DHRS4: variants seen among roughly 807,000 people sequenced by gnomAD.
DHRS4 encodes dehydrogenase/reductase 4.
DHRS4 carries 20 observed loss-of-function variants against 28.4 expected under a neutral mutation model. That is an observed-to-expected ratio of 0.71 (90% confidence interval 0.50 to 1.02). The LOEUF (loss-of-function observed/expected upper bound fraction) is 1.02, where lower values mean the gene tolerates loss of function less well. Among genes scored for constraint, DHRS4 ranks in the 50% least tolerant of loss-of-function variants. DHRS4 has a pLI of 0.00. For missense variants in DHRS4, 378 were observed against 367.2 expected, an observed-to-expected ratio of 1.03 and a Z score of -0.24; for synonymous variants, 144 against 146.4, an observed-to-expected ratio of 0.98 and a Z score of 0.12.
At chr14:23,960,788 G>A (rs2033386900) in intron 3 of DHRS4, among the ~76,000 whole-genome samples, 1 of 152,080 alleles carries the variant, frequency 6.6e-6, no homozygotes, top group African/African-American at 2.4e-5. Context: ...TTGCTATAAA[G>A]GAATATCTGA....
Position 23,955,194 on chromosome 14 carries a change from G to A in DHRS4, c.288G>A (p.Arg96=). 2 of 1,613,354 alleles carry A rather than the reference G, an allele frequency of 1.2e-6. No individual in the cohort carries two copies. Among genetic ancestry groups the A allele is most frequent in the South Asian group, 1.1e-5 (1 of 90,980 alleles). The change falls in exon 2 of 8, where the codon CGG becomes CGA. Residue 96 remains arginine, a synonymous_variant. Transcript: ENST00000313250. Reference sequence around the variant, plus strand: ...GCCATGTGGGGAAGGCGGAGGACCGGGAGCGGCTGGTGGCCACGGTGAGCT... The same window carrying A: ...GCCATGTGGGGAAGGCGGAGGACCGAGAGCGGCTGGTGGCCACGGTGAGCT... ...TVCHVGKAED[R]ERLVATAVKL...
chr14:23,969,192 C>G lies in DHRS4; in HGVS notation c.*321C>G, dbSNP rs1010450415. On this transcript the variant is annotated 3_prime_UTR_variant, in exon 8 of 8. Transcript: ENST00000313250. ...CTGAGGGGTGATGGGAGAGAAGGAACCTGGAGTGGAAGGAGCAGAGTTGCA... is the reference window on the plus strand; with the variant it reads ...CTGAGGGGTGATGGGAGAGAAGGAAGCTGGAGTGGAAGGAGCAGAGTTGCA... 6 of 338,226 alleles carry G rather than the reference C, an allele frequency of 1.8e-5. No individual in the cohort carries two copies. In the Admixed American group the frequency reaches 1.9e-4, roughly 11 times the overall value. 21.0% of individuals were successfully genotyped at this position (338,226 alleles called of 1,614,324 possible). A position where few individuals can be genotyped will look rare whatever the true frequency, so the allele number is the denominator to read the frequency against.
rs768636899 is a variant in DHRS4 at position 23,965,912 on chromosome 14, C to A, written c.480-20C>A. ...CACTGGTCCACAATGGGAAGATGGT[C>A]AGCTCTCTTCTTTTTCCAGAGGCGG... is the stretch of plus-strand genomic sequence containing the variant. On this transcript the variant is annotated intron_variant, in intron 4 of 7. Coordinates refer to ENST00000313250, the MANE Select transcript of DHRS4 (RefSeq NM_021004.4). 2.5e-6 allele frequency: 4 copies of A among 1,607,216 alleles called. No homozygotes were observed. In the Admixed American group the frequency reaches 6.7e-5, roughly 27 times the overall value.
Position 23,965,801 on chromosome 14 carries a change from A to C in DHRS4, c.448A>C (p.Lys150Gln). The stretch of plus-strand genomic sequence containing the variant: ...TGTGAAGGCCCCAGCCCTGATGACA[A>C]AGGCAGTGGTGCCAGAAATGGAGAA... ...INVKAPALMT[K>Q]AVVPEMEKRG... The change falls in exon 4 of 8, where the codon AAG becomes CAG. Residue 150 changes from lysine (K) to glutamine (Q), a missense_variant. Lys to Gln is a moderately conservative substitution (Grantham distance 53). Coordinates refer to ENST00000313250, the MANE Select transcript of DHRS4 (RefSeq NM_021004.4). 6.2e-7 allele frequency: 1 copy of C among 1,606,538 alleles called. No individual in the cohort carries two copies. The highest frequency in any genetic ancestry group is 1.1e-5 in the South Asian group (1 of 90,424).
In DHRS4 at chr14:23,959,951, T is replaced by C; in HGVS notation, c.356T>C (p.Val119Ala). ...GATATCCTAGTCTCCAATGCTGCTG[T>C]CAACCCTTTCTTTGGAAGCATAATG... is the stretch of plus-strand genomic sequence containing the variant. ...GIDILVSNAAVNPFFGSIMDV... is the reference protein window; with the variant it reads ...GIDILVSNAAANPFFGSIMDV... Residue 119 changes from valine (V) to alanine (A), a missense_variant, in exon 3 of 8, where the codon GTC (valine) becomes GCC (alanine). Physicochemically the swap from Val to Ala is moderately conservative, Grantham distance 64. Coordinates refer to ENST00000313250, the MANE Select transcript of DHRS4 (RefSeq NM_021004.4). The C allele has an allele frequency of 6.2e-7, 1 of 1,609,210 alleles. No homozygotes were observed. The highest frequency in any genetic ancestry group is 1.4e-5 in the African/African-American group (1 of 71,072).
intron 3 of DHRS4, among the ~76,000 whole-genome samples, chr14:23,964,254 A>AC (rs2033534498): frequency 3.7e-5 from 5 of 136,136 alleles, no homozygotes; most frequent in African/African-American, 1.2e-4. Context: ...AAAAAAAAAA[A>AC]CACAATATCT....
chr14:23,960,087 T>G (rs2033353835), intron 3 of DHRS4, 84 bp downstream of exon 3: 1 of 1,325,464 alleles, frequency 7.5e-7, no homozygotes, highest in Non-Finnish European at 1.1e-6. Flanking sequence ...TAGAATGCAT[T>G]TCTCAAGGGC....
rs574063167 is a variant in DHRS4 at position 23,956,832 on chromosome 14, G to C, written c.306+1620G>C. On this transcript the variant is annotated intron_variant, in intron 2 of 7. Transcript: ENST00000313250. ...TTGGCCAGGCTGGTCTTGAACTCCT[G>C]ACCTCAGGTGATCCACCCCCTCGGC... 2.0e-5 allele frequency among the ~76,000 whole-genome samples: 3 copies of C among 152,222 alleles called. No homozygotes were observed. In the East Asian group the frequency reaches 5.8e-4, roughly 29 times the overall value.
intron 3 of DHRS4, among the ~76,000 whole-genome samples, chr14:23,960,401 G>A (rs1957687): frequency 0.3 from 46,154 of 151,706 alleles, 10,517 homozygotes; most frequent in African/African-American, 0.64. Context: ...TATTTTTTAC[G>A]AGTTGGGAAA....
intron 6 of DHRS4, 110 bp from the exon 7 acceptor site, chr14:23,967,101 C>G: frequency 1.4e-6 from 2 of 1,395,718 alleles, no homozygotes. Context: ...TTGCAGTGAG[C>G]CAAGATAGCG....
At position 23,967,202 on chromosome 14, in the gene DHRS4, T is replaced by G. The variant is rs748940756; in HGVS notation, c.667-9T>G. The stretch of plus-strand genomic sequence containing the variant: ...AAAAAACATAAAGAGATTTCCCTTC[T>G]TCCTGCAGCTCTGGATGGACAAGGA... On this transcript the variant is annotated splice_polypyrimidine_tract_variant and intron_variant, in intron 6 of 7. Transcript: ENST00000313250. The G allele has an allele frequency of 6.2e-7, 1 of 1,609,244 alleles. No individual in the cohort carries two copies. Among genetic ancestry groups the G allele is most frequent in the East Asian group, 2.2e-5 (1 of 44,864 alleles).
At chr14:23,954,104 C>T (rs1319942830) in intron 1 of DHRS4, 188 bp downstream of exon 1, 2 of 893,716 alleles carry the variant, frequency 2.2e-6, no homozygotes, top group Non-Finnish European at 3.3e-6. Flanking sequence ...CCTCCCTTGC[C>T]AGCCCTCCTG....
chr14:23,959,703 A>C (rs2033328156), intron 2 of DHRS4, among the ~76,000 whole-genome samples, 199 bp from the exon 3 acceptor site: 1 of 151,742 alleles, frequency 6.6e-6, no homozygotes, highest in Non-Finnish European at 1.5e-5. Flanking sequence ...TTTTAATATA[A>C]AGATAAGGTC....
intron 2 of DHRS4, among the ~76,000 whole-genome samples, chr14:23,957,004 T>C (rs1316106584): frequency 1.3e-5 from 2 of 152,218 alleles, no homozygotes; most frequent in Middle Eastern, 3.2e-3. Context: ...ATGTGAGGTT[T>C]TGAGCAAGAG....
At chr14:23,963,705 C>T (rs1418509529) in intron 3 of DHRS4, among the ~76,000 whole-genome samples, 2 of 145,786 alleles carry the variant, frequency 1.4e-5, no homozygotes, top group African/African-American at 2.6e-5. Context: ...TTTTAATTTC[C>T]TTCAAGAATT....
At chr14:23,957,724 T>C (rs1436733306) in intron 2 of DHRS4, among the ~76,000 whole-genome samples, 11 of 148,606 alleles carry the variant, frequency 7.4e-5, no homozygotes, top group South Asian at 2.2e-4. Context: ...ACCAGTTCAT[T>C]TTTTAAATTT....
chr14:23,962,304 G>T (rs1244461806), intron 3 of DHRS4, among the ~76,000 whole-genome samples: 1 of 116,448 alleles, frequency 8.6e-6, no homozygotes, highest in Non-Finnish European at 1.8e-5. Flanking sequence ...TTTCACAAGA[G>T]ATTTCTCTGT....
intron 1 of DHRS4, chr14:23,954,179 G>A: frequency 6.7e-6 from 3 of 444,548 alleles, no homozygotes; most frequent in Admixed American, 3.6e-5. Flanking sequence ...TCTCCCCAGT[G>A]TTCTGGGCTG....
chr14:23,962,436 G>A (rs1193308269), intron 3 of DHRS4, among the ~76,000 whole-genome samples: 4 of 150,372 alleles, frequency 2.7e-5, no homozygotes, highest in Admixed American at 2.7e-4. Context: ...TGAATCCCGT[G>A]TTGTGATTTC....
Sources: gnomAD v4.1 joint callset for allele counts (sites outside exome capture counted in the v4.1 genomes callset) on GRCh38, gnomAD v4.1.1 for gene constraint, MANE v1.5 for transcripts, NCBI Gene and HGNC (gene_info 2026-07-23, HGNC 2026-07-21) for gene names.